The following ANKIB1 variants were observed in gnomAD, a reference collection of about 807,000 sequenced individuals.
The protein encoded by ANKIB1 is ankyrin repeat and IBR domain containing 1.
A neutral mutation model predicts 122.1 loss-of-function variants in ANKIB1; 43 were observed. The ratio of observed to expected loss-of-function variants is 0.35; its 90% CI spans 0.28 to 0.45. The LOEUF is 0.45. Among genes scored for constraint, ANKIB1 ranks in the 20% least tolerant of loss-of-function variants. ANKIB1 has a pLI of 1.00. For synonymous variants in ANKIB1, 390 were observed against 442.0 expected (o/e 0.88, Z 1.48); for missense variants, 992 against 1,329.5 (o/e 0.75, Z 3.95).
At chr7:92,323,373 A>G (rs1202091036) in intron 4 of ANKIB1, among the ~76,000 whole-genome samples, 1 of 151,886 alleles carries the variant, frequency 6.6e-6, no homozygotes, top group Non-Finnish European at 1.5e-5. Context: ...TCAGTTGTGC[A>G]TTTTCTATGA....
At chr7:92,349,690 T>G (rs1267895199) in intron 7 of ANKIB1, among the ~76,000 whole-genome samples, 1 of 152,154 alleles carries the variant, frequency 6.6e-6, no homozygotes, top group East Asian at 1.9e-4. Flanking sequence ...TTGCTAAAAT[T>G]TATGAATTCT....
At chr7:92,391,869 A>ATACTTTCC (rs1435731379) in intron 16 of ANKIB1, among the ~76,000 whole-genome samples, 1 of 152,138 alleles carries the variant, frequency 6.6e-6, no homozygotes, top group African/African-American at 2.4e-5. Flanking sequence ...AAATTGAAGC[A>ATACTTTCC]TACTTTCCTA....
chr7:92,339,965 C>G (rs1446999998), intron 5 of ANKIB1, among the ~76,000 whole-genome samples: 1 of 150,036 alleles, frequency 6.7e-6, no homozygotes, highest in African/African-American at 2.5e-5. Context: ...CATGTATTAT[C>G]TTAATCAGAA....
intron 10 of ANKIB1, among the ~76,000 whole-genome samples, chr7:92,362,687 C>G (rs1490292244): frequency 6.6e-6 from 1 of 152,148 alleles, no homozygotes; most frequent in East Asian, 1.9e-4. Flanking sequence ...TAATTTCTTG[C>G]TGTTATGTGG....
intron 1 of ANKIB1, among the ~76,000 whole-genome samples, chr7:92,260,451 G>C (rs1017836400): frequency 9.9e-5 from 15 of 152,134 alleles, no homozygotes; most frequent in African/African-American, 3.6e-4. Context: ...GCTGAAGCAG[G>C]AGAATTCACT....
At chr7:92,365,836 G>C (rs1181026093) in intron 10 of ANKIB1, among the ~76,000 whole-genome samples, 4 of 107,792 alleles carry the variant, frequency 3.7e-5, no homozygotes, top group Non-Finnish European at 6.7e-5. Flanking sequence ...TCGCTCTGTC[G>C]CCCGGGCTGG....
At chr7:92,370,581 A>G (rs894186254) in intron 10 of ANKIB1, among the ~76,000 whole-genome samples, 1 of 151,556 alleles carries the variant, frequency 6.6e-6, no homozygotes, top group Admixed American at 6.6e-5. Context: ...ATAGAGGACA[A>G]TATTTCTTAT....
At chr7:92,265,910 A>T (rs1234328562) in intron 1 of ANKIB1, among the ~76,000 whole-genome samples, 1 of 152,252 alleles carries the variant, frequency 6.6e-6, no homozygotes, top group African/African-American at 2.4e-5. Context: ...ATTTCAGAAC[A>T]GAGGTCAATA....
intron 18 of ANKIB1, among the ~76,000 whole-genome samples, chr7:92,397,459 T>C (rs1158892812): frequency 6.7e-6 from 1 of 149,450 alleles, no homozygotes; most frequent in Admixed American, 6.7e-5. Context: ...GCACTCCAGC[T>C]AGGTCGACAA....
At chr7:92,377,370 G>GTGT (rs1396475620) in intron 11 of ANKIB1, among the ~76,000 whole-genome samples, 11 of 152,056 alleles carry the variant, frequency 7.2e-5, no homozygotes, top group Non-Finnish European at 1.5e-4. Flanking sequence ...ATGGTTCATG[G>GTGT]TGTCCCCCAG....
intron 1 of ANKIB1, among the ~76,000 whole-genome samples, chr7:92,288,470 T>G (rs1437417758): frequency 1.3e-5 from 2 of 152,072 alleles, no homozygotes; most frequent in Non-Finnish European, 2.9e-5. Flanking sequence ...CACAGAAAAA[T>G]AGAACACAGT....
intron 1 of ANKIB1, among the ~76,000 whole-genome samples, chr7:92,272,001 A>G (rs1282351328): frequency 1.3e-5 from 2 of 152,164 alleles, no homozygotes; most frequent in Non-Finnish European, 2.9e-5. Flanking sequence ...AGAAAATGGA[A>G]TGGTAGTTAC....
intron 11 of ANKIB1, among the ~76,000 whole-genome samples, chr7:92,373,781 T>G (rs1324093844): frequency 1.3e-5 from 2 of 152,232 alleles, no homozygotes; most frequent in Non-Finnish European, 2.9e-5. Flanking sequence ...GTAGGCAGTT[T>G]TTACTTTTGA....
At chr7:92,372,799 TATA>T (rs770746166) in intron 11 of ANKIB1, among the ~76,000 whole-genome samples, 3 of 152,110 alleles carry the variant, frequency 2.0e-5, no homozygotes, top group Non-Finnish European at 2.9e-5. Context: ...GGTTTAAAAT[TATA>T]ATGATATTCT....
chr7:92,297,645 A>T (rs1020683945), intron 2 of ANKIB1, among the ~76,000 whole-genome samples: 2 of 151,624 alleles, frequency 1.3e-5, no homozygotes, highest in African/African-American at 4.8e-5. Context: ...CTAACACTTA[A>T]AAGTATCTGG....
intron 2 of ANKIB1, 28 bp downstream of exon 2, chr7:92,295,194 T>TTA: frequency 3.4e-6 from 5 of 1,450,568 alleles, no homozygotes; most frequent in Non-Finnish European, 3.7e-6. Flanking sequence ...CTAATTGGTA[T>TTA]TAGGGTATTA....
At chr7:92,358,459 CCTT>C (rs1183356196) in intron 9 of ANKIB1, among the ~76,000 whole-genome samples, 2 of 152,014 alleles carry the variant, frequency 1.3e-5, no homozygotes, top group African/African-American at 4.8e-5. Flanking sequence ...GAAAAGAAAA[CCTT>C]CTTTTGCTAT....
At chr7:92,268,314 G>A (rs570737895) in intron 1 of ANKIB1, among the ~76,000 whole-genome samples, 21 of 152,258 alleles carry the variant, frequency 1.4e-4, no homozygotes, top group African/African-American at 4.3e-4. Flanking sequence ...GAGAAGTGAT[G>A]GAACCGCTGT....
chr7:92,342,705 G>A (rs541624924), intron 5 of ANKIB1, among the ~76,000 whole-genome samples: 1 of 152,246 alleles, frequency 6.6e-6, no homozygotes, highest in South Asian at 2.1e-4. Context: ...TTAAACCTAT[G>A]CCAGCGAAAA....
Sources: gnomAD v4.1 joint callset for allele counts (sites outside exome capture counted in the v4.1 genomes callset) on GRCh38, gnomAD v4.1.1 for gene constraint, MANE v1.5 for transcripts, NCBI Gene and HGNC (gene_info 2026-07-23, HGNC 2026-07-21) for gene names.